Variants in BABAM2 observed in about 807,000 individuals in gnomAD.
The protein encoded by BABAM2 is BRISC and BRCA1-A complex member 2.
Under a neutral mutation model 54.7 loss-of-function variants are expected in BABAM2, and 31 were observed. The observed-to-expected ratio is 0.57, with a 90% confidence interval of 0.43 to 0.77. BABAM2 has a LOEUF of 0.77. Ranked by LOEUF, BABAM2 falls within the 30% of genes least tolerant of loss-of-function variation. The pLI is 0.00. For synonymous variants in BABAM2, 167 were observed against 162.9 expected, an observed-to-expected ratio of 1.03 and a Z score of -0.19; for missense variants, 364 against 455.8, an observed-to-expected ratio of 0.80 and a Z score of 1.83.
chr2:28,223,777 T>G (rs1233193367), intron 7 of BABAM2, among the ~76,000 whole-genome samples: 2 of 152,258 alleles, frequency 1.3e-5, no homozygotes, highest in Non-Finnish European at 1.5e-5. Flanking sequence ...ACAGCATTTC[T>G]CAGGGGTGGG....
At chr2:27,963,469 C>CAAAAAA (rs760525051) in intron 3 of BABAM2, among the ~76,000 whole-genome samples, 1,126 of 49,142 alleles carry the variant, frequency 0.023, no homozygotes, top group Non-Finnish European at 0.032. Context: ...GACTCTTTCT[C>CAAAAAA]AAAAAAAAAA....
intron 6 of BABAM2, among the ~76,000 whole-genome samples, chr2:28,070,551 C>CTTTTT (rs779324534): frequency 0.09 from 7,630 of 85,230 alleles, 319 homozygotes; most frequent in South Asian, 0.18. Context: ...AAGTACTTTT[C>CTTTTT]TTTTCTTTTT....
intron 7 of BABAM2, among the ~76,000 whole-genome samples, chr2:28,159,835 C>A (rs1291765951): frequency 6.6e-6 from 1 of 151,082 alleles, no homozygotes; most frequent in Non-Finnish European, 1.5e-5. Context: ...GAGATTGCAC[C>A]ACTATACTCC....
At chr2:28,096,960 G>A (rs572081151) in intron 6 of BABAM2, among the ~76,000 whole-genome samples, 2 of 152,256 alleles carry the variant, frequency 1.3e-5, no homozygotes, top group East Asian at 1.9e-4. Context: ...ATATGAAAAT[G>A]TATCTCCATG....
At chr2:28,106,723 A>C (rs908380369) in intron 6 of BABAM2, among the ~76,000 whole-genome samples, 1 of 151,044 alleles carries the variant, frequency 6.6e-6, no homozygotes, top group Admixed American at 6.6e-5. Context: ...TTCCACTGTA[A>C]AGTTACTTTT....
intron 7 of BABAM2, chr2:28,134,340 A>G (rs973283658): frequency 6.6e-6 from 1 of 152,210 alleles, no homozygotes; most frequent in African/African-American, 2.4e-5. Flanking sequence ...TTAAGGTTAC[A>G]TCATCAGAGC....
At chr2:28,281,134 A>G (rs986369376) in intron 10 of BABAM2, among the ~76,000 whole-genome samples, 3 of 152,150 alleles carry the variant, frequency 2.0e-5, no homozygotes, top group Non-Finnish European at 4.4e-5. Flanking sequence ...TTGATGGGCT[A>G]TACCACACCT....
At chr2:28,333,287 G>GACTCGAGC (rs1459307865) in intron 11 of BABAM2, among the ~76,000 whole-genome samples, 1 of 152,040 alleles carries the variant, frequency 6.6e-6, no homozygotes, top group African/African-American at 2.4e-5. Flanking sequence ...GTGTGGCCAG[G>GACTCGAGC]CCTCGAGCCC....
At chr2:27,900,819 A>G (rs896104513) in intron 2 of BABAM2, among the ~76,000 whole-genome samples, 5 of 152,252 alleles carry the variant, frequency 3.3e-5, no homozygotes, top group South Asian at 2.1e-4. Context: ...CGAGGCGGGC[A>G]TATCACAAGG....
intron 7 of BABAM2, among the ~76,000 whole-genome samples, chr2:28,236,450 G>A (rs965802973): frequency 2.7e-5 from 4 of 148,868 alleles, no homozygotes; most frequent in Non-Finnish European, 5.9e-5. Flanking sequence ...TGCAATCTCC[G>A]CCTCCCAGGT....
intron 3 of BABAM2, among the ~76,000 whole-genome samples, chr2:27,985,439 C>T (rs146845719): frequency 0.017 from 2,603 of 151,946 alleles, 82 homozygotes; most frequent in African/African-American, 0.059. Flanking sequence ...AGGTGGTAAT[C>T]GTATTGTGGT....
rs150965624 is a variant in BABAM2 at position 28,073,990 on chromosome 2, C to T, written c.570+28191C>T. On this transcript the variant is annotated intron_variant, in intron 6 of 11. Transcript: ENST00000379624. ...AAATATATTTACATATACATAGATACGTATATATTTACACATATATACACA... is the reference window on the plus strand; with the variant it reads ...AAATATATTTACATATACATAGATATGTATATATTTACACATATATACACA... 1.2e-3 allele frequency among the ~76,000 whole-genome samples: 182 copies of T among 151,946 alleles called. 5 individuals carry two copies. Among genetic ancestry groups the T allele is most frequent in the Admixed American group, 9.6e-3 (146 of 15,242 alleles).
chr2:28,273,135 C>A (rs74607718), intron 10 of BABAM2, among the ~76,000 whole-genome samples: 1,599 of 152,298 alleles, frequency 0.01, 19 homozygotes, highest in African/African-American at 0.037. Context: ...ATTTTCTGCT[C>A]CATCCAGCTT....
intron 2 of BABAM2, among the ~76,000 whole-genome samples, chr2:27,920,643 A>C (rs1259582897): frequency 3.9e-5 from 6 of 152,134 alleles, no homozygotes; most frequent in African/African-American, 1.4e-4. Context: ...AGCTGATGTT[A>C]AATATTGTTG....
chr2:28,258,326 G>T (rs906691685), intron 10 of BABAM2, among the ~76,000 whole-genome samples: 2 of 152,130 alleles, frequency 1.3e-5, no homozygotes, highest in Non-Finnish European at 2.9e-5. Flanking sequence ...TATGGTGCAC[G>T]TATTTTAACT....
chr2:28,114,136 A>G (rs978358977), intron 6 of BABAM2, among the ~76,000 whole-genome samples: 1 of 152,236 alleles, frequency 6.6e-6, no homozygotes, highest in Non-Finnish European at 1.5e-5. Flanking sequence ...CTCTCTCACC[A>G]CTTCTGTTCA....
At chr2:28,227,830 C>T (rs953983370) in intron 7 of BABAM2, among the ~76,000 whole-genome samples, 7 of 152,176 alleles carry the variant, frequency 4.6e-5, no homozygotes, top group Non-Finnish European at 8.8e-5. Context: ...TGCACATTCC[C>T]AGGTCTCACC....
In BABAM2 at chr2:28,304,377, T is replaced by G. The variant is rs1176026483; in HGVS notation, c.1088+5886T>G. Among the ~76,000 whole-genome samples, 1 of 149,904 alleles carries G rather than the reference T, an allele frequency of 6.7e-6. No homozygotes were observed. ...CACCTGTTTTTGCTTTTATTGTAAA[T>G]TATATAAAAATATAAATATAAAATA... On this transcript the variant is annotated intron_variant, in intron 11 of 11. Transcript: ENST00000379624. This position sits in a 1 kb window ranked among gnomAD's most constrained non-coding sequence, Gnocchi z 4.0.
chr2:28,272,827 G>A lies in BABAM2; in HGVS notation c.935-25511G>A, dbSNP rs77567159. On this transcript the variant is annotated intron_variant, in intron 10 of 11. Transcript: ENST00000379624. ...ATCAGAAGGGAGCACCTCCCTCTGCGTGAGGGAGCTGGGGAAGGCTTGACA... is the reference window on the plus strand; with the variant it reads ...ATCAGAAGGGAGCACCTCCCTCTGCATGAGGGAGCTGGGGAAGGCTTGACA... Among the ~76,000 whole-genome samples, 8 of 152,246 alleles carry A rather than the reference G, an allele frequency of 5.3e-5. 1 individual carries two copies. The highest frequency in any genetic ancestry group is 1.3e-4 in the Admixed American group (2 of 15,296).
Sources: gnomAD v4.1 joint callset for allele counts (sites outside exome capture counted in the v4.1 genomes callset) on GRCh38, gnomAD v4.1.1 for gene constraint, Gnocchi (gnomAD v3.1) non-coding constraint, MANE v1.5 for transcripts, NCBI Gene and HGNC (gene_info 2026-07-23, HGNC 2026-07-21) for gene names.